VGLL4: variants seen among roughly 807,000 people sequenced by gnomAD.
VGLL4 encodes transcription cofactor vestigial-like protein 4.
A neutral mutation model predicts 21.0 loss-of-function variants in VGLL4; 7 were observed. That is an observed-to-expected ratio of 0.33 (90% CI 0.19 to 0.63). The LOEUF (loss-of-function observed/expected upper bound fraction) is 0.63, where lower values mean the gene tolerates loss of function less well. VGLL4 is among the 20% of genes least tolerant of loss of function. The pLI is 0.78. For missense variants in VGLL4, 394 were observed against 425.7 expected (o/e 0.93, Z 0.66); for synonymous variants, 222 against 173.2 (o/e 1.28, Z -2.21).
chr3:11,646,582 A>T (rs867655550), upstream of VGLL4, among the ~76,000 whole-genome samples: 1 of 152,100 alleles, frequency 6.6e-6, no homozygotes. Context: ...CTGCCTTAAG[A>T]TATTTCATTT....
intron 2 of VGLL4, among the ~76,000 whole-genome samples, chr3:11,696,598 T>C (rs1338144593): frequency 3.9e-5 from 6 of 152,222 alleles, no homozygotes; most frequent in Non-Finnish European, 8.8e-5. Context: ...TTTCAAACTG[T>C]CGGTTCCAAT....
At chr3:11,663,266 T>A (rs1374060299) in intron 2 of VGLL4, among the ~76,000 whole-genome samples, 1 of 152,158 alleles carries the variant, frequency 6.6e-6, no homozygotes, top group East Asian at 1.9e-4. Context: ...AGGTTCCTTT[T>A]TAGCAGGGCC....
intron 1 of VGLL4, among the ~76,000 whole-genome samples, chr3:11,606,467 C>G (rs748127121): frequency 4.6e-5 from 7 of 152,196 alleles, no homozygotes; most frequent in Non-Finnish European, 1.0e-4. Context: ...AACACGTGTA[C>G]GCTGCTGGTA....
At chr3:11,709,777 A>T (rs546745452) in intron 1 of VGLL4, among the ~76,000 whole-genome samples, 1 of 152,300 alleles carries the variant, frequency 6.6e-6, no homozygotes, top group East Asian at 1.9e-4. Flanking sequence ...CTCAGCTATA[A>T]ATCTGACAGC....
At chr3:11,683,383 A>C (rs943514873) in intron 2 of VGLL4, among the ~76,000 whole-genome samples, 7 of 152,188 alleles carry the variant, frequency 4.6e-5, no homozygotes, top group African/African-American at 1.7e-4. Context: ...GAGATTTCTC[A>C]AAGAACTAAA....
chr3:11,605,108 CA>C (rs1295076364), intron 1 of VGLL4, among the ~76,000 whole-genome samples: 250 of 18,112 alleles, frequency 0.014, 13 homozygotes, highest in African/African-American at 0.021. Flanking sequence ...CCCCCACGCC[CA>C]CCCCCCACCC....
At chr3:11,591,830 G>C (rs1431861923) in intron 2 of VGLL4, among the ~76,000 whole-genome samples, 1 of 152,232 alleles carries the variant, frequency 6.6e-6, no homozygotes, top group African/African-American at 2.4e-5. Flanking sequence ...CCTCGGTGAC[G>C]ATCCTCCCTA....
At chr3:11,670,193 CG>C (rs140624446) in intron 2 of VGLL4, among the ~76,000 whole-genome samples, 11,292 of 151,668 alleles carry the variant, frequency 0.074, 621 homozygotes, top group Admixed American at 0.15. Flanking sequence ...CCTTTTTCTA[CG>C]CCCCTCCCAC....
At chr3:11,626,026 G>A (rs1173641587) in intron 1 of VGLL4, among the ~76,000 whole-genome samples, 3 of 152,128 alleles carry the variant, frequency 2.0e-5, no homozygotes, top group South Asian at 4.1e-4. Context: ...TAATTTAAAC[G>A]AATGAATGGC....
chr3:11,650,226 C>T (rs1227586212), intron 2 of VGLL4, among the ~76,000 whole-genome samples: 2 of 152,164 alleles, frequency 1.3e-5, no homozygotes, highest in Non-Finnish European at 2.9e-5. Context: ...TGAGCCACCA[C>T]GCCTGGCCCA....
intron 2 of VGLL4, among the ~76,000 whole-genome samples, chr3:11,580,916 T>A (rs964401165): frequency 6.6e-6 from 1 of 152,256 alleles, no homozygotes; most frequent in Non-Finnish European, 1.5e-5. Flanking sequence ...TTTCTCACTG[T>A]GAACCTTTAA....
chr3:11,642,198 C>T (rs1268919067), intron 1 of VGLL4, among the ~76,000 whole-genome samples: 1 of 152,106 alleles, frequency 6.6e-6, no homozygotes, highest in Non-Finnish European at 1.5e-5. Flanking sequence ...CACGAAAATT[C>T]TCATAGCAGG....
intron 2 of VGLL4, among the ~76,000 whole-genome samples, chr3:11,685,844 T>G (rs2076439988): frequency 6.6e-6 from 1 of 151,936 alleles, no homozygotes; most frequent in African/African-American, 2.4e-5. Flanking sequence ...AGAGCGAGAC[T>G]CCATCTCAAA....
intron 1 of VGLL4, among the ~76,000 whole-genome samples, chr3:11,715,448 T>C (rs1559960719): frequency 6.6e-6 from 1 of 152,084 alleles, no homozygotes; most frequent in Non-Finnish European, 1.5e-5. Context: ...ATTCTCCTGA[T>C]TCAGCCTCCC....
chr3:11,583,108 C>T (rs2074276438), intron 2 of VGLL4, among the ~76,000 whole-genome samples: 1 of 152,156 alleles, frequency 6.6e-6, no homozygotes, highest in South Asian at 2.1e-4. Context: ...TTCCACCTGC[C>T]CACTACCTGA....
At chr3:11,641,042 G>A (rs921591849) in intron 1 of VGLL4, among the ~76,000 whole-genome samples, 12 of 150,734 alleles carry the variant, frequency 8.0e-5, no homozygotes, top group East Asian at 2.0e-4. Flanking sequence ...GCTTGAACCC[G>A]GGAGGCAGAG....
chr3:11,697,809 G>C (rs1355208553), intron 2 of VGLL4, among the ~76,000 whole-genome samples: 1 of 152,140 alleles, frequency 6.6e-6, no homozygotes, highest in East Asian at 1.9e-4. Context: ...GGTAATCAAT[G>C]CTTCATCAAT....
chr3:11,563,431 ACACGCCTCTGTTCCAGCCCCTGCTGCTG>A (rs111593702), intron 3 of VGLL4, among the ~76,000 whole-genome samples: 3 of 152,288 alleles, frequency 2.0e-5, no homozygotes, highest in African/African-American at 7.2e-5. Flanking sequence ...CGCACTGCGC[ACACGCCTCTGTTCCAGCCCCTGCTGCTG>A]CCCAACAGCA....
intron 3 of VGLL4, 24 bp from the exon 4 acceptor site, chr3:11,559,479 A>G: frequency 1.3e-6 from 2 of 1,538,514 alleles, no homozygotes; most frequent in African/African-American, 1.4e-5. Context: ...GGGTGTCAGT[A>G]TGTGGAGACC....
Sources: allele counts gnomAD v4.1 joint callset (sites outside exome capture counted in the v4.1 genomes callset), GRCh38; gene constraint gnomAD v4.1.1; transcripts MANE v1.5; gene names NCBI Gene and HGNC (gene_info 2026-07-23, HGNC 2026-07-21).